The following PLA2G5 variants were observed in gnomAD, a reference collection of about 807,000 sequenced individuals.
PLA2G5 encodes Ca2+-dependent phospholipase A2.
Under a neutral mutation model 15.9 loss-of-function variants are expected in PLA2G5, and 12 were observed. The observed-to-expected ratio is 0.76, with a 90% CI of 0.48 to 1.23. PLA2G5 has a LOEUF of 1.23. PLA2G5 is among the 50% of genes most tolerant of loss of function. The pLI is 0.00. For synonymous variants in PLA2G5, 71 were observed against 71.4 expected (o/e 0.99, Z 0.03); for missense variants, 169 against 177.1 (o/e 0.95, Z 0.26).
chr1:20,048,183 GA>G (rs1347289917), intron 1 of PLA2G5, among the ~76,000 whole-genome samples: 2 of 151,856 alleles, frequency 1.3e-5, no homozygotes, highest in Non-Finnish European at 2.9e-5. Context: ...AGTTTATCAG[GA>G]AAAAAGAAAA....
chr1:20,082,086 CT>C (rs2100600940), intron 1 of PLA2G5, among the ~76,000 whole-genome samples: 1 of 151,910 alleles, frequency 6.6e-6, no homozygotes, highest in African/African-American at 2.4e-5. Context: ...GAAGGAGAGA[CT>C]GAGGCAAGTT....
At chr1:20,050,967 T>A (rs2014151051) in intron 1 of PLA2G5, among the ~76,000 whole-genome samples, 1 of 152,208 alleles carries the variant, frequency 6.6e-6, no homozygotes, top group South Asian at 2.1e-4. Context: ...TGTTTGGTTT[T>A]CTTTGGGTTA....
At chr1:20,030,881 G>A (rs1050572279) in intron 1 of PLA2G5, among the ~76,000 whole-genome samples, 6 of 152,210 alleles carry the variant, frequency 3.9e-5, no homozygotes, top group African/African-American at 1.4e-4. Context: ...TGAGCACAGG[G>A]TTGGGGCTAA....
At chr1:20,068,451 G>GTTT (rs5772880), upstream of PLA2G5, among the ~76,000 whole-genome samples, 213 of 133,580 alleles carry the variant, frequency 1.6e-3, 4 homozygotes, top group East Asian at 0.041. Context: ...AAAAGTGGTA[G>GTTT]TTTTTTTTTT....
intron 1 of PLA2G5, among the ~76,000 whole-genome samples, chr1:20,076,364 C>A (rs2015680109): frequency 6.6e-6 from 1 of 152,108 alleles, no homozygotes; most frequent in South Asian, 2.1e-4. Context: ...ACCAACTTAA[C>A]CAACTGTAAC....
intron 1 of PLA2G5, among the ~76,000 whole-genome samples, chr1:20,059,431 AAGAG>A (rs548383677): frequency 1.3e-5 from 2 of 151,936 alleles, no homozygotes; most frequent in African/African-American, 2.4e-5. Flanking sequence ...TAAAAAAAAA[AAGAG>A]AGAGAGAGAA....
At chr1:20,028,913 C>A (rs1443408922) in intron 1 of PLA2G5, among the ~76,000 whole-genome samples, 1 of 152,182 alleles carries the variant, frequency 6.6e-6, no homozygotes, top group Non-Finnish European at 1.5e-5. Flanking sequence ...GGGGAGCATA[C>A]AGATGGGCAG....
Position 20,070,408 on chromosome 1 carries a change from A to G in PLA2G5, c.-68A>G. 4 of 985,470 alleles carry G rather than the reference A, an allele frequency of 4.1e-6. No homozygotes were observed. The highest frequency in any genetic ancestry group is 4.8e-6 in the Non-Finnish European group (4 of 829,964). The allele number at this position is 985,470 out of a possible 1,614,324, so 61.0% of individuals were successfully genotyped here. ...AGACCCGGGTCTCCAGGGTCTGCCCAAGGAAGTTGCTCATGGGAGCAGACC... is the reference window on the plus strand; with the variant it reads ...AGACCCGGGTCTCCAGGGTCTGCCCGAGGAAGTTGCTCATGGGAGCAGACC... On this transcript the variant is annotated 5_prime_UTR_variant, in exon 1 of 5. Coordinates refer to ENST00000375108, the MANE Select transcript of PLA2G5 (RefSeq NM_000929.3).
At chr1:20,073,605 G>T (rs542645726) in intron 1 of PLA2G5, among the ~76,000 whole-genome samples, 3 of 152,154 alleles carry the variant, frequency 2.0e-5, no homozygotes, top group Non-Finnish European at 4.4e-5. Flanking sequence ...ATTAGGGGCC[G>T]GGTGCGGTGG....
chr1:20,091,574 C>T lies in PLA2G5; in HGVS notation c.*882C>T, dbSNP rs1283688752. Among the ~76,000 whole-genome samples, 2 of 152,094 alleles carry T rather than the reference C, an allele frequency of 1.3e-5. No individual in the cohort carries two copies. The highest frequency in any genetic ancestry group is 1.3e-4 in the Admixed American group (2 of 15,256). On this transcript the variant is annotated 3_prime_UTR_variant, in exon 5 of 5. Coordinates refer to ENST00000375108, the MANE Select transcript of PLA2G5 (RefSeq NM_000929.3). ...TGTAAAATGAGACTTCTAAAGCCCA[C>T]CTTGATGCTGATATGGAGAATGCTG...
chr1:20,062,951 A>G (rs889364225), intron 2 of PLA2G5, among the ~76,000 whole-genome samples: 3 of 152,260 alleles, frequency 2.0e-5, no homozygotes, highest in East Asian at 1.9e-4. Flanking sequence ...TGTGGCCCCA[A>G]GTTTCTAGAG....
At chr1:20,041,420 G>T (rs2013589577) in intron 1 of PLA2G5, among the ~76,000 whole-genome samples, 3 of 152,170 alleles carry the variant, frequency 2.0e-5, no homozygotes. Flanking sequence ...ATAGGATTTG[G>T]ATAGGTAGTG....
Position 20,055,435 on chromosome 1 carries a change from A to G in PLA2G5, n.277-4197A>G, listed in dbSNP as rs150783352. On this transcript the variant is annotated intron_variant and non_coding_transcript_variant, in intron 1 of 6. Coordinates refer to the PLA2G5 transcript ENST00000460175. ...TGCTTGGGTTTCTGGAGTGGTTTCA[A>G]TTGTTCTCATTCTCCTCTGCTTTGT... Among the ~76,000 whole-genome samples the G allele has an allele frequency of 1.9e-4, 29 of 152,246 alleles. No homozygotes were observed. The East Asian group carries it at 5.4e-3, about 28-fold the overall frequency.
intron 1 of PLA2G5, among the ~76,000 whole-genome samples, chr1:20,040,591 C>G (rs1478977092): frequency 6.6e-6 from 1 of 151,922 alleles, no homozygotes; most frequent in Non-Finnish European, 1.5e-5. Flanking sequence ...CACACACACA[C>G]ACACACACAC....
chr1:20,080,730 G>C (rs531834892), intron 1 of PLA2G5, among the ~76,000 whole-genome samples: 2 of 152,006 alleles, frequency 1.3e-5, no homozygotes, highest in Admixed American at 1.3e-4. Flanking sequence ...AGGTGACAGA[G>C]AGGTCTTTAA....
chr1:20,084,981 C>A, intron 2 of PLA2G5, 111 bp downstream of exon 2: 2 of 806,994 alleles, frequency 2.5e-6, no homozygotes, highest in African/African-American at 1.7e-5. Context: ...TGAATCTCGG[C>A]TCTGCACTGA....
chr1:20,048,528 TC>T (rs2014030943), intron 1 of PLA2G5, among the ~76,000 whole-genome samples: 1 of 152,220 alleles, frequency 6.6e-6, no homozygotes, highest in Non-Finnish European at 1.5e-5. Flanking sequence ...TAACTTCTAA[TC>T]TTGTGGCTTT....
chr1:20,036,142 C>T (rs2013239116), intron 1 of PLA2G5, among the ~76,000 whole-genome samples: 1 of 152,140 alleles, frequency 6.6e-6, no homozygotes, highest in Non-Finnish European at 1.5e-5. Context: ...TATAGGTTAC[C>T]TGATACCTTT....
At chr1:20,090,237 C>A (rs1035476817) in intron 4 of PLA2G5, among the ~76,000 whole-genome samples, 3 of 152,194 alleles carry the variant, frequency 2.0e-5, no homozygotes, top group African/African-American at 4.8e-5. Flanking sequence ...GAGTTCAAGG[C>A]TAAATCTGGG....
Sources: allele counts gnomAD v4.1 joint callset (sites outside exome capture counted in the v4.1 genomes callset), GRCh38; gene constraint gnomAD v4.1.1; transcripts MANE v1.5; gene names NCBI Gene and HGNC (gene_info 2026-07-23, HGNC 2026-07-21).